YIPF4: variants seen among roughly 807,000 people sequenced by gnomAD.
YIPF4 encodes Yip1 domain family member 4.
YIPF4 carries 18 observed loss-of-function variants against 29.4 expected under a neutral mutation model. The observed-to-expected ratio is 0.61, with a 90% CI of 0.42 to 0.91. The LOEUF is 0.91. Ranked by LOEUF, YIPF4 falls within the 40% of genes least tolerant of loss-of-function variation. The pLI is 0.00. For synonymous variants in YIPF4, 115 were observed against 104.7 expected, an observed-to-expected ratio of 1.10 and a Z score of -0.60; for missense variants, 279 against 282.7, an observed-to-expected ratio of 0.99 and a Z score of 0.09.
Position 32,305,635 on chromosome 2 carries a change from A to T in YIPF4, c.*9A>T, listed in dbSNP as rs369230593. 1 of 1,560,812 alleles carries T rather than the reference A, an allele frequency of 6.4e-7. No individual in the cohort carries two copies. Among genetic ancestry groups the T allele is most frequent in the Non-Finnish European group, 8.6e-7 (1 of 1,156,948 alleles). ...TATATACTGGTGTGTGATCCAAGTT[A>T]TACATGAATAGAAAAAGATGGTGTT... On this transcript the variant is annotated 3_prime_UTR_variant, in exon 6 of 6. Coordinates refer to ENST00000238831, the MANE Select transcript of YIPF4 (RefSeq NM_032312.4).
chr2:32,289,773 T>C (rs942559007), intron 1 of YIPF4, among the ~76,000 whole-genome samples: 2 of 152,142 alleles, frequency 1.3e-5, no homozygotes, highest in Non-Finnish European at 2.9e-5. Context: ...CTTCACCTCT[T>C]GTTAGAGCCG....
At position 32,314,935 on chromosome 2, in the gene YIPF4, T is replaced by C. The variant is rs2031792472; in HGVS notation, c.*9309T>C. 6.6e-6 allele frequency: 1 copy of C among 152,178 alleles called. No individual in the cohort carries two copies. The highest frequency in any genetic ancestry group is 2.4e-5 in the African/African-American group (1 of 41,442). 9.4% of individuals were successfully genotyped at this position (152,178 alleles called of 1,614,324 possible). On this transcript the variant is annotated 3_prime_UTR_variant, in exon 6 of 6. Transcript: ENST00000238831. ...GAATATTAAATAAGTGGGGATACTG[T>C]ATCAGATAGGAACATATTTGGTTGC...
intron 1 of YIPF4, among the ~76,000 whole-genome samples, chr2:32,279,139 T>G (rs2030259232): frequency 6.6e-6 from 1 of 151,510 alleles, no homozygotes; most frequent in African/African-American, 2.4e-5. Context: ...GACTAATTTT[T>G]TTTGTATTTT....
chr2:32,286,690 C>T (rs909867697), intron 1 of YIPF4, among the ~76,000 whole-genome samples: 2 of 152,060 alleles, frequency 1.3e-5, no homozygotes, highest in East Asian at 1.9e-4. Context: ...GGACTACAGG[C>T]GCACGCCACC....
At chr2:32,284,466 C>T (rs1211740689) in intron 1 of YIPF4, among the ~76,000 whole-genome samples, 1 of 152,134 alleles carries the variant, frequency 6.6e-6, no homozygotes. Context: ...CTGTTCTTGT[C>T]ATAGTGAGTT....
intron 1 of YIPF4, among the ~76,000 whole-genome samples, chr2:32,285,156 T>C: frequency 6.6e-6 from 1 of 152,086 alleles, no homozygotes; most frequent in East Asian, 1.9e-4. Context: ...TTTAAAAATA[T>C]TTAGAGGTAA....
intron 1 of YIPF4, among the ~76,000 whole-genome samples, chr2:32,286,536 A>G (rs1294335814): frequency 1.3e-5 from 2 of 152,114 alleles, no homozygotes; most frequent in Non-Finnish European, 2.9e-5. Context: ...AAATTTATAC[A>G]AGACTTTGAA....
chr2:32,298,813 C>T (rs2031289634), intron 4 of YIPF4, among the ~76,000 whole-genome samples: 1 of 152,056 alleles, frequency 6.6e-6, no homozygotes. Flanking sequence ...CCTGTTTAGC[C>T]TCCCAAAGTG....
chr2:32,290,223 A>G (rs1395322174), intron 1 of YIPF4, among the ~76,000 whole-genome samples: 1 of 152,178 alleles, frequency 6.6e-6, no homozygotes, highest in East Asian at 1.9e-4. Context: ...TGTTAAGTCT[A>G]GATTCTGGTA....
intron 1 of YIPF4, among the ~76,000 whole-genome samples, chr2:32,278,587 A>T (rs2030221334): frequency 6.6e-6 from 1 of 152,172 alleles, no homozygotes; most frequent in Non-Finnish European, 1.5e-5. Flanking sequence ...AGATTGGCCA[A>T]GGGAGATCTC....
At chr2:32,295,962 G>C (rs886690448) in intron 3 of YIPF4, among the ~76,000 whole-genome samples, 2 of 152,086 alleles carry the variant, frequency 1.3e-5, no homozygotes, top group Non-Finnish European at 2.9e-5. Context: ...AGGTAATCCA[G>C]AATAATCTCT....
chr2:32,303,440 G>A (rs2031474240), intron 5 of YIPF4, among the ~76,000 whole-genome samples: 1 of 152,200 alleles, frequency 6.6e-6, no homozygotes. Context: ...AGGTATGGTG[G>A]CTTACTGTTG....
chr2:32,278,121 C>G lies in YIPF4; in HGVS notation c.-35C>G. The G allele has an allele frequency of 1.3e-6, 2 of 1,538,356 alleles. No homozygotes were observed. The highest frequency in any genetic ancestry group is 8.8e-7 in the Non-Finnish European group (1 of 1,141,566). On this transcript the variant is annotated 5_prime_UTR_variant, in exon 1 of 6. Coordinates refer to ENST00000238831, the MANE Select transcript of YIPF4 (RefSeq NM_032312.4). ...CTCGGGGTCTGGGCCCAGCCGCAGC[C>G]TCTTCTACCGCGGCCGGTTGGGAGT...
intron 1 of YIPF4, among the ~76,000 whole-genome samples, chr2:32,281,322 A>G (rs748472863): frequency 1.1e-4 from 17 of 151,822 alleles, no homozygotes; most frequent in Admixed American, 5.9e-4. Context: ...GCTCACTGCA[A>G]TCTCCACCTC....
At chr2:32,294,164 G>A (rs1230345334) in intron 3 of YIPF4, among the ~76,000 whole-genome samples, 1 of 151,306 alleles carries the variant, frequency 6.6e-6, no homozygotes, top group African/African-American at 2.4e-5. Flanking sequence ...GGCCTGGCAG[G>A]GGCTGACCCC....
intron 3 of YIPF4, among the ~76,000 whole-genome samples, chr2:32,292,959 G>A (rs2030983245): frequency 6.6e-6 from 1 of 151,034 alleles, no homozygotes; most frequent in Admixed American, 6.6e-5. Flanking sequence ...GTCACTAGAA[G>A]GTGCACCTTC....
intron 1 of YIPF4, among the ~76,000 whole-genome samples, chr2:32,287,969 C>T (rs1228556212): frequency 2.0e-5 from 3 of 152,104 alleles, no homozygotes; most frequent in East Asian, 1.9e-4. Context: ...GACGTCTATC[C>T]AAGAGCTGAC....
rs1195671914 is a variant in YIPF4 at position 32,310,094 on chromosome 2, T to C, written c.*4468T>C. ...GAGCTAAAAATCACCCTTACCCAAT[T>C]CTCTGCACTGACATATGTACACAAA... On this transcript the variant is annotated 3_prime_UTR_variant, in exon 6 of 6. Transcript: ENST00000238831. 6.6e-6 allele frequency: 1 copy of C among 152,214 alleles called. No homozygotes were observed. The highest frequency in any genetic ancestry group is 1.5e-5 in the Non-Finnish European group (1 of 68,036). The allele number at this position is 152,214 out of a possible 1,614,324, so 9.4% of individuals were successfully genotyped here.
intron 1 of YIPF4, among the ~76,000 whole-genome samples, chr2:32,281,290 G>A (rs1018601010): frequency 4.0e-5 from 6 of 151,242 alleles, no homozygotes; most frequent in Non-Finnish European, 7.4e-5. Flanking sequence ...TGCCTAGGGT[G>A]GAGTGCAGTG....
Sources: gnomAD v4.1 joint callset for allele counts (sites outside exome capture counted in the v4.1 genomes callset) on GRCh38, gnomAD v4.1.1 for gene constraint, MANE v1.5 for transcripts, NCBI Gene and HGNC (gene_info 2026-07-23, HGNC 2026-07-21) for gene names.